Variants in IL2RB observed in about 807,000 individuals in gnomAD.
The protein encoded by IL2RB is interleukin 2 receptor subunit beta, also known as interleukin-2 receptor subunit beta.
A neutral mutation model predicts 44.2 loss-of-function variants in IL2RB; 17 were observed. The observed-to-expected ratio is 0.38, with a 90% CI of 0.26 to 0.58. IL2RB has a LOEUF of 0.58. Ranked by LOEUF, IL2RB falls within the 20% of genes least tolerant of loss-of-function variation. The pLI is 0.63. For synonymous variants in IL2RB, 286 were observed against 297.9 expected (o/e 0.96, Z 0.41); for missense variants, 624 against 685.5 (o/e 0.91, Z 1.00).
chr22:37,132,771 G>T lies in IL2RB; in HGVS notation c.819-303C>A, dbSNP rs375195793. ...AGACAGAGAGCACAGTGCTACACAA[G>T]ACGGGGAGGTGGGGGTCGATGGGGG... On this transcript the variant is annotated intron_variant, in intron 8 of 9. Transcript: ENST00000216223. Among the ~76,000 whole-genome samples, 334 of 152,346 alleles carry T rather than the reference G, an allele frequency of 2.2e-3. 1 individual carries two copies. Among genetic ancestry groups the T allele is most frequent in the African/African-American group, 7.6e-3 (315 of 41,582 alleles).
In IL2RB at chr22:37,135,829, G is replaced by A. The variant is rs537612633; in HGVS notation, c.704-387C>T. Among the ~76,000 whole-genome samples, 6 of 152,220 alleles carry A rather than the reference G, an allele frequency of 3.9e-5. No homozygotes were observed. The East Asian group carries it at 9.7e-4, about 25-fold the overall frequency. On this transcript the variant is annotated intron_variant, in intron 7 of 9. Coordinates refer to ENST00000216223, the MANE Select transcript of IL2RB (RefSeq NM_000878.5). ...AAATGTGGTGCGATGAGGGACAGGC[G>A]CCCAGCAGACCTGCTGAGGGCCAGG...
intron 1 of IL2RB, among the ~76,000 whole-genome samples, chr22:37,155,086 C>T (rs1461563230): frequency 6.6e-6 from 1 of 152,138 alleles, no homozygotes. Context: ...CAGTCTGTCC[C>T]CCAGGTGCTA....
At chr22:37,135,093 C>T (rs1005031403) in intron 8 of IL2RB, among the ~76,000 whole-genome samples, 5 of 151,990 alleles carry the variant, frequency 3.3e-5, no homozygotes, top group East Asian at 1.9e-4. Context: ...TGTGGGGATG[C>T]GACACAGGGA....
chr22:37,169,447 C>A lies in IL2RB; in HGVS notation c.-34+5511G>T, dbSNP rs151060649. 5.3e-5 allele frequency among the ~76,000 whole-genome samples: 8 copies of A among 152,276 alleles called. No homozygotes were observed. The East Asian group carries it at 1.3e-3, about 26-fold the overall frequency. On this transcript the variant is annotated intron_variant, in intron 1 of 5. Transcript: ENST00000429622. ...TTACAGAGGGGTTCATATTTGTTAG[C>A]GGGACGCTGCCATGTCATCCTTCAC...
chr22:37,138,988 C>T (rs1024981257), intron 5 of IL2RB, 129 bp downstream of exon 5: 80 of 643,796 alleles, frequency 1.2e-4, no homozygotes, highest in African/African-American at 9.6e-4. Context: ...GAACAGCGGG[C>T]GGTGAGGTGA....
At chr22:37,134,252 G>C (rs1357380139) in intron 8 of IL2RB, among the ~76,000 whole-genome samples, 3 of 152,182 alleles carry the variant, frequency 2.0e-5, no homozygotes. Context: ...TCTAGGAGAT[G>C]ACCTAAAGTC....
At chr22:37,149,443 C>T (rs892656747) in intron 1 of IL2RB, among the ~76,000 whole-genome samples, 4 of 152,164 alleles carry the variant, frequency 2.6e-5, no homozygotes, top group African/African-American at 4.8e-5. Flanking sequence ...CAGGAGGGGG[C>T]TCCCGCCTGT....
intron 3 of IL2RB, 94 bp from the exon 4 acceptor site, chr22:37,142,606 C>A (rs1292974797): frequency 8.4e-6 from 11 of 1,312,500 alleles, no homozygotes; most frequent in Non-Finnish European, 1.2e-5. Context: ...GCCAGGATGG[C>A]ACCAGGCAGC....
intron 6 of IL2RB, among the ~76,000 whole-genome samples, chr22:37,136,851 C>T (rs1471117058): frequency 1.3e-5 from 2 of 152,186 alleles, no homozygotes; most frequent in African/African-American, 4.8e-5. Context: ...CTGCCTTTGC[C>T]GTGGCAGGTC....
upstream of IL2RB, among the ~76,000 whole-genome samples, chr22:37,152,760 G>A (rs1345861531): frequency 6.6e-6 from 1 of 151,798 alleles, no homozygotes; most frequent in Non-Finnish European, 1.5e-5. Flanking sequence ...TTTTTTAAAT[G>A]ATGGAAACTT....
At position 37,135,449 on chromosome 22, in the gene IL2RB, A is replaced by G; in HGVS notation, c.704-7T>C. On this transcript the variant is annotated splice_polypyrimidine_tract_variant and splice_region_variant and intron_variant, in intron 7 of 9. Transcript: ENST00000216223. ...ATGGTGTCCTTCCCAAGGGCTGCCC[A>G]GGGGTGGGAGAAACAGCAAGGAGAG... The G allele has an allele frequency of 6.3e-7, 1 of 1,584,942 alleles. No homozygotes were observed. The highest frequency in any genetic ancestry group is 8.7e-7 in the Non-Finnish European group (1 of 1,153,578).
intron 6 of IL2RB, among the ~76,000 whole-genome samples, chr22:37,137,289 G>T (rs1002504336): frequency 1.3e-5 from 2 of 152,264 alleles, no homozygotes; most frequent in African/African-American, 4.8e-5. Context: ...TGGAGGGTTG[G>T]CTTCCCTGGC....
chr22:37,131,138 G>C (rs1921401808), intron 9 of IL2RB, among the ~76,000 whole-genome samples: 1 of 151,952 alleles, frequency 6.6e-6, no homozygotes, highest in South Asian at 2.1e-4. Context: ...TTGCACTCTA[G>C]CCTGGACGAC....
chr22:37,135,399 C>A lies in IL2RB; in HGVS notation c.747G>T (p.Val249=). 2 of 1,613,866 alleles carry A rather than the reference C, an allele frequency of 1.2e-6. No individual in the cohort carries two copies. The highest frequency in any genetic ancestry group is 1.7e-6 in the Non-Finnish European group (2 of 1,179,824). ...TGAAGCCAAAAGCCCCGCTGAGGCC[C>A]ACGAGGAGGTGGCCGAGCCACGGAA... is the stretch of plus-strand genomic sequence containing the variant. ...DTIPWLGHLL[V]GLSGAFGFII... Residue 249 remains valine, a synonymous_variant, in exon 8 of 10, where the codon GTG becomes GTT. Coordinates refer to ENST00000216223, the MANE Select transcript of IL2RB (RefSeq NM_000878.5).
intron 1 of IL2RB, among the ~76,000 whole-genome samples, chr22:37,173,263 A>G (rs1405270952): frequency 6.6e-6 from 1 of 151,706 alleles, no homozygotes; most frequent in Non-Finnish European, 1.5e-5. Flanking sequence ...GCCAGCACTT[A>G]CCCCACGCTG....
intron 8 of IL2RB, 42 bp downstream of exon 8, chr22:37,135,286 G>C: frequency 7.4e-7 from 1 of 1,344,654 alleles, no homozygotes; most frequent in Non-Finnish European, 1.1e-6. Flanking sequence ...GTGCACGTTG[G>C]AGGGGTGGGA....
intron 9 of IL2RB, among the ~76,000 whole-genome samples, chr22:37,129,408 C>T (rs1011669643): frequency 1.3e-5 from 2 of 152,174 alleles, no homozygotes; most frequent in African/African-American, 2.4e-5. Flanking sequence ...CTTGGGGGAG[C>T]TGATGGTTTC....
At chr22:37,167,234 C>T (rs1923114140) in intron 1 of IL2RB, among the ~76,000 whole-genome samples, 1 of 152,100 alleles carries the variant, frequency 6.6e-6, no homozygotes, top group Admixed American at 6.5e-5. Context: ...TATCCCTTTC[C>T]TCGGCCCTGG....
intron 4 of IL2RB, among the ~76,000 whole-genome samples, chr22:37,139,873 C>T (rs548543868): frequency 1.9e-4 from 29 of 152,324 alleles, no homozygotes; most frequent in African/African-American, 2.9e-4. Context: ...AAGGGACCTG[C>T]GCCAGGTCAT....
Sources: allele counts gnomAD v4.1 joint callset (sites outside exome capture counted in the v4.1 genomes callset), GRCh38; gene constraint gnomAD v4.1.1; transcripts MANE v1.5; gene names NCBI Gene and HGNC (gene_info 2026-07-23, HGNC 2026-07-21).